MAPKAP1: variants seen among roughly 807,000 people sequenced by gnomAD.
The protein encoded by MAPKAP1 is target of rapamycin complex 2 subunit MAPKAP1.
MAPKAP1 carries 20 observed loss-of-function variants against 65.7 expected under a neutral mutation model. The ratio of observed to expected loss-of-function variants is 0.30; its 90% CI spans 0.21 to 0.44. The LOEUF is 0.44. MAPKAP1 is among the 20% of genes least tolerant of loss of function. The pLI is 1.00. For synonymous variants in MAPKAP1, 222 were observed against 244.3 expected (o/e 0.91, Z 0.85); for missense variants, 423 against 648.0 (o/e 0.65, Z 3.77).
chr9:125,620,386 C>T (rs888738575), intron 4 of MAPKAP1, among the ~76,000 whole-genome samples: 1 of 152,294 alleles, frequency 6.6e-6, no homozygotes, highest in African/African-American at 2.4e-5. Flanking sequence ...TATGGAGAAA[C>T]AGGCAGTGTC....
At chr9:125,629,754 G>GT (rs995413286) in intron 4 of MAPKAP1, among the ~76,000 whole-genome samples, 6 of 151,976 alleles carry the variant, frequency 3.9e-5, no homozygotes, top group East Asian at 1.9e-4. Context: ...AATTTTATGT[G>GT]TTTTTTTGAC....
intron 10 of MAPKAP1, among the ~76,000 whole-genome samples, chr9:125,452,550 G>A (rs1280409989): frequency 1.3e-5 from 2 of 152,146 alleles, no homozygotes; most frequent in African/African-American, 4.8e-5. Context: ...GGTCTCAGAA[G>A]CCCTTAATAC....
chr9:125,568,783 C>T (rs186141152), intron 5 of MAPKAP1: 11 of 157,382 alleles, frequency 7.0e-5, no homozygotes, highest in Non-Finnish European at 1.4e-5. Context: ...GGCAATGGTG[C>T]TGCAAGCTGG....
At chr9:125,689,861 C>T (rs1427812087) in intron 1 of MAPKAP1, among the ~76,000 whole-genome samples, 7 of 151,916 alleles carry the variant, frequency 4.6e-5, no homozygotes, top group Admixed American at 4.6e-4. Flanking sequence ...CCGAGGTGGG[C>T]GGGTCACCTG....
intron 4 of MAPKAP1, among the ~76,000 whole-genome samples, chr9:125,626,382 A>G (rs906086024): frequency 1.3e-5 from 2 of 152,218 alleles, no homozygotes; most frequent in Non-Finnish European, 2.9e-5. Flanking sequence ...CATTACTGGC[A>G]CAGAAGGGTA....
chr9:125,686,837 T>C (rs1834996308), intron 1 of MAPKAP1, among the ~76,000 whole-genome samples: 2 of 152,252 alleles, frequency 1.3e-5, no homozygotes, highest in Non-Finnish European at 1.5e-5. Flanking sequence ...TTGGTTTTTT[T>C]TTTTTGAGAG....
rs573490898 is a variant in MAPKAP1 at position 125,669,924 on chromosome 9, A to G, written c.260-17T>C. 20 of 1,452,220 alleles carry G rather than the reference A, an allele frequency of 1.4e-5. No homozygotes were observed. The highest frequency in any genetic ancestry group is 1.8e-4 in the Middle Eastern group (1 of 5,676). 90.0% of individuals were successfully genotyped at this position (1,452,220 alleles called of 1,614,324 possible). A position where few individuals can be genotyped will look rare whatever the true frequency, so the allele number is the denominator to read the frequency against. On this transcript the variant is annotated splice_polypyrimidine_tract_variant and intron_variant, in intron 2 of 11. Coordinates refer to ENST00000265960, the MANE Select transcript of MAPKAP1 (RefSeq NM_001006617.3). ...ATCTTTGAGCTTGAAAAGAAATATT[A>G]TAACTGTAAGTTTGTCAATGAAAGT...
At chr9:125,592,846 T>C (rs1389684999) in intron 4 of MAPKAP1, among the ~76,000 whole-genome samples, 1 of 134,400 alleles carries the variant, frequency 7.4e-6, no homozygotes, top group Non-Finnish European at 1.5e-5. Context: ...GAGCTTGCAG[T>C]GAGCCGAGAT....
At chr9:125,452,196 T>G (rs912560164) in intron 10 of MAPKAP1, among the ~76,000 whole-genome samples, 1 of 151,848 alleles carries the variant, frequency 6.6e-6, no homozygotes, top group African/African-American at 2.4e-5. Flanking sequence ...TCTCCTGAGT[T>G]TGAGTGATCC....
intron 11 of MAPKAP1, among the ~76,000 whole-genome samples, chr9:125,440,284 G>A (rs1852431695): frequency 6.6e-6 from 1 of 152,222 alleles, no homozygotes; most frequent in Non-Finnish European, 1.5e-5. Flanking sequence ...AGGTGAGGAA[G>A]TCAAGGCCAA....
intron 4 of MAPKAP1, chr9:125,652,277 C>A (rs1422531599): frequency 4.1e-6 from 5 of 1,207,624 alleles, no homozygotes; most frequent in Admixed American, 2.5e-5. Context: ...GAGCAGCATG[C>A]AAAAATGTAT....
At chr9:125,610,012 G>A (rs1431198699) in intron 4 of MAPKAP1, among the ~76,000 whole-genome samples, 1 of 152,124 alleles carries the variant, frequency 6.6e-6, no homozygotes, top group East Asian at 1.9e-4. Context: ...ATGGAAACCC[G>A]CCTCTGACTG....
Position 125,527,059 on chromosome 9 carries a change from G to GT in MAPKAP1, c.958+15999dup, listed in dbSNP as rs1254125303. 6.2e-3 allele frequency among the ~76,000 whole-genome samples: 685 copies of GT among 110,218 alleles called. 4 individuals carry two copies. The highest frequency in any genetic ancestry group is 0.018 in the African/African-American group (641 of 35,386). 72.3% of individuals were successfully genotyped at this position (110,218 alleles called of 152,430 possible). A position where few individuals can be genotyped will look rare whatever the true frequency, so the allele number is the denominator to read the frequency against. On this transcript the variant is annotated intron_variant, in intron 7 of 11. Transcript: ENST00000265960. ...AAATGCTGGGATTCATACATGTAGTGTTTTTTTTGTTTGTTTTTTTTGGGG... is the reference window on the plus strand; with the variant it reads ...AAATGCTGGGATTCATACATGTAGTGTTTTTTTTTGTTTGTTTTTTTTGGGG...
chr9:125,581,333 A>G (rs1454026954), intron 5 of MAPKAP1, among the ~76,000 whole-genome samples: 1 of 152,260 alleles, frequency 6.6e-6, no homozygotes, highest in Non-Finnish European at 1.5e-5. Context: ...ATGATGTATG[A>G]TACAGTTTCT....
chr9:125,614,938 C>T (rs1338134751), intron 4 of MAPKAP1, among the ~76,000 whole-genome samples: 1 of 151,542 alleles, frequency 6.6e-6, no homozygotes, highest in African/African-American at 2.4e-5. Context: ...CTCTGTAAAG[C>T]AAGAAAAATA....
intron 5 of MAPKAP1, among the ~76,000 whole-genome samples, chr9:125,582,189 T>C (rs1345570225): frequency 6.6e-6 from 1 of 152,234 alleles, no homozygotes; most frequent in African/African-American, 2.4e-5. Flanking sequence ...TTTCCAGTAC[T>C]GTACTTTTAA....
rs1200099482 is a variant in MAPKAP1 at position 125,438,444 on chromosome 9, A to G, written c.*443T>C. ...AGTAACATAATCAATCCTCCGCCCC[A>G]AAGAATGGTCCATCATACCAACCAT... is the stretch of plus-strand genomic sequence containing the variant. On this transcript the variant is annotated 3_prime_UTR_variant, in exon 12 of 12. Coordinates refer to ENST00000265960, the MANE Select transcript of MAPKAP1 (RefSeq NM_001006617.3). 2 of 399,800 alleles carry G rather than the reference A, an allele frequency of 5.0e-6. No homozygotes were observed. Among genetic ancestry groups the G allele is most frequent in the Non-Finnish European group, 8.8e-6 (2 of 226,650 alleles). The allele number at this position is 399,800 out of a possible 1,614,324, so 24.8% of individuals were successfully genotyped here. A position where few individuals can be genotyped will look rare whatever the true frequency, so the allele number is the denominator to read the frequency against.
rs1353175652 is a variant in MAPKAP1, at chr9:125,438,883, A to G, written c.*4T>C. 3.1e-6 allele frequency: 5 copies of G among 1,614,174 alleles called. No homozygotes were observed. The highest frequency in any genetic ancestry group is 4.2e-6 in the Non-Finnish European group (5 of 1,179,992). ...ACGGAACAGATTGAGGCTGGAGGCC[A>G]GTGTCACTGCTGCCCGGATTTCTTC... is the stretch of plus-strand genomic sequence containing the variant. On this transcript the variant is annotated 3_prime_UTR_variant, in exon 12 of 12. Coordinates refer to ENST00000265960, the MANE Select transcript of MAPKAP1 (RefSeq NM_001006617.3).
At chr9:125,527,378 G>T (rs2133129422) in intron 7 of MAPKAP1, among the ~76,000 whole-genome samples, 1 of 152,084 alleles carries the variant, frequency 6.6e-6, no homozygotes, top group Non-Finnish European at 1.5e-5. Context: ...CATACATATA[G>T]TTTTAAGAGT....
Sources: gnomAD v4.1 joint callset for allele counts (sites outside exome capture counted in the v4.1 genomes callset) on GRCh38, gnomAD v4.1.1 for gene constraint, MANE v1.5 for transcripts, NCBI Gene and HGNC (gene_info 2026-07-23, HGNC 2026-07-21) for gene names.